The following SNX9 variants were observed in gnomAD, a reference collection of about 807,000 sequenced individuals.
SNX9 encodes the protein sorting nexin-9.
A neutral mutation model predicts 89.4 loss-of-function variants in SNX9; 44 were observed. The observed-to-expected ratio is 0.49, with a 90% CI of 0.39 to 0.63. The LOEUF is 0.63. Among genes scored for constraint, SNX9 ranks in the 30% least tolerant of loss-of-function variants. SNX9 has a pLI of 0.00. For missense variants in SNX9, 578 were observed against 736.1 expected, an observed-to-expected ratio of 0.79 and a Z score of 2.49; for synonymous variants, 236 against 247.8, an observed-to-expected ratio of 0.95 and a Z score of 0.45.
At chr6:157,940,601 A>G (rs1784017787) in intron 16 of SNX9, among the ~76,000 whole-genome samples, 1 of 152,176 alleles carries the variant, frequency 6.6e-6, no homozygotes, top group Non-Finnish European at 1.5e-5. Context: ...TATTCTTAGT[A>G]GAGATGGGGT....
rs188607706 is a variant in SNX9 at position 157,929,862 on chromosome 6, T to C, written c.1288+1160T>C. Reference sequence around the variant, plus strand: ...AGACAATGTCAGTATTACTATTCAATCCAGATCTGAAAATCCAAAGCCTTA... The same window carrying C: ...AGACAATGTCAGTATTACTATTCAACCCAGATCTGAAAATCCAAAGCCTTA... On this transcript the variant is annotated intron_variant, in intron 12 of 17. Transcript: ENST00000392185. Among the ~76,000 whole-genome samples the C allele has an allele frequency of 1.3e-3, 199 of 152,342 alleles. 1 individual carries two copies. The highest frequency in any genetic ancestry group is 4.2e-3 in the African/African-American group (174 of 41,584).
intron 10 of SNX9, among the ~76,000 whole-genome samples, chr6:157,922,956 C>T (rs1002342319): frequency 6.6e-6 from 1 of 152,182 alleles, no homozygotes; most frequent in African/African-American, 2.4e-5. Flanking sequence ...TCCCACAAGA[C>T]TTTAACAAGA....
intron 11 of SNX9, 137 bp downstream of exon 11, chr6:157,927,351 A>G (rs1783715712): frequency 1.6e-5 from 10 of 616,496 alleles, no homozygotes; most frequent in South Asian, 1.2e-4. Context: ...TTGTAGTCCA[A>G]TGACAAGGGA....
chr6:157,883,085 C>T lies in SNX9; in HGVS notation c.300+7909C>T, dbSNP rs550594345. On this transcript the variant is annotated intron_variant, in intron 4 of 17. Coordinates refer to ENST00000392185, the MANE Select transcript of SNX9 (RefSeq NM_016224.5). ...AGCCACCCCAACCTTCAGCAACCAC[C>T]ACCCTGATCAGTCAGCAGTCATGAA... Among the ~76,000 whole-genome samples, 198 of 152,234 alleles carry T rather than the reference C, an allele frequency of 1.3e-3. 1 individual carries two copies. The highest frequency in any genetic ancestry group is 0.01 in the Middle Eastern group (3 of 294).
In SNX9 at chr6:157,928,651, G is replaced by T; in HGVS notation, c.1237G>T (p.Val413Leu). The T allele has an allele frequency of 6.2e-7, 1 of 1,610,774 alleles. No individual in the cohort carries two copies. The highest frequency in any genetic ancestry group is 1.7e-4 in the Middle Eastern group (1 of 6,060). Residue 413 changes from valine (V) to leucine (L), a missense_variant, in exon 12 of 18, where the codon GTG becomes TTG. Around this residue, in one of 2 missense-constraint regions of SNX9, gnomAD observed 348 missense variants for 491.4 expected, o/e 0.71. Coordinates refer to ENST00000392185, the MANE Select transcript of SNX9 (RefSeq NM_016224.5). ...GKFTKAMDDGVKELLTVGQEH... is the reference protein window; with the variant it reads ...GKFTKAMDDGLKELLTVGQEH... ...GTTCACCAAGGCCATGGATGACGGC[G>T]TGAAGGAGCTGCTGACGGTGGGGCA...
intron 1 of SNX9, among the ~76,000 whole-genome samples, chr6:157,849,726 CT>C (rs1435372432): frequency 7.9e-5 from 12 of 152,144 alleles, no homozygotes; most frequent in East Asian, 3.9e-4. Flanking sequence ...CTTTCAGTTT[CT>C]TTTTGGGTGA....
intron 1 of SNX9, among the ~76,000 whole-genome samples, chr6:157,835,968 G>T (rs1165832970): frequency 2.0e-5 from 3 of 152,152 alleles, no homozygotes; most frequent in African/African-American, 7.2e-5. Context: ...TCACTCTGTT[G>T]CTCAGGGTGG....
intron 6 of SNX9, among the ~76,000 whole-genome samples, chr6:157,902,548 G>A (rs1383452777): frequency 6.6e-6 from 1 of 152,168 alleles, no homozygotes; most frequent in African/African-American, 2.4e-5. Flanking sequence ...GTTCCAGTCA[G>A]GAAGCCAGGC....
chr6:157,922,502 C>T (rs1023068597), intron 10 of SNX9, among the ~76,000 whole-genome samples: 3 of 152,168 alleles, frequency 2.0e-5, no homozygotes, highest in Non-Finnish European at 2.9e-5. Context: ...CTTGGAACTT[C>T]GAGAGGTTTA....
chr6:157,848,385 T>C (rs1371503884), intron 1 of SNX9, among the ~76,000 whole-genome samples: 1 of 151,978 alleles, frequency 6.6e-6, no homozygotes, highest in Non-Finnish European at 1.5e-5. Flanking sequence ...CCCCAAACCG[T>C]GGTAGAGATT....
intron 4 of SNX9, among the ~76,000 whole-genome samples, chr6:157,885,975 C>A (rs1447347176): frequency 6.6e-6 from 1 of 152,212 alleles, no homozygotes; most frequent in Non-Finnish European, 1.5e-5. Flanking sequence ...AAATATGTTA[C>A]CATTTTCATT....
At chr6:157,889,166 C>T (rs117854441) in intron 4 of SNX9, among the ~76,000 whole-genome samples, 7,038 of 152,238 alleles carry the variant, frequency 0.046, 203 homozygotes, top group East Asian at 0.11. Context: ...CGCAGTGGCT[C>T]ACGCCTGTAA....
chr6:157,919,953 CTGTTTGTT>C (rs150798579), intron 9 of SNX9, among the ~76,000 whole-genome samples: 77 of 151,604 alleles, frequency 5.1e-4, no homozygotes, highest in African/African-American at 1.1e-3. Flanking sequence ...TCAGTTATTG[CTGTTTGTT>C]TGTTTGTTTG....
intron 1 of SNX9, among the ~76,000 whole-genome samples, chr6:157,856,921 G>C (rs1053935654): frequency 6.6e-6 from 1 of 151,006 alleles, no homozygotes; most frequent in African/African-American, 2.4e-5. Context: ...AAATCTTTGG[G>C]GATTGAAAAA....
chr6:157,828,195 A>G (rs1022928893), intron 1 of SNX9, among the ~76,000 whole-genome samples: 12 of 140,962 alleles, frequency 8.5e-5, no homozygotes, highest in African/African-American at 1.2e-4. Context: ...AGTATTTTCT[A>G]TGTGTCTTAA....
rs1288775108 is a variant in SNX9 at position 157,944,493 on chromosome 6, TA to T, written c.*1662del. 1 of 152,648 alleles carries T rather than the reference TA, an allele frequency of 6.6e-6. No individual in the cohort carries two copies. The highest frequency in any genetic ancestry group is 2.4e-5 in the African/African-American group (1 of 41,466). The allele number at this position is 152,648 out of a possible 1,614,324, so 9.5% of individuals were successfully genotyped here. On this transcript the variant is annotated 3_prime_UTR_variant, in exon 18 of 18. Transcript: ENST00000392185. ...GAAGCCAACATATAAATAAATTGTT[TA>T]AAAAAACTGTACAGTAAATTCTCAA...
At position 157,942,833 on chromosome 6, in the gene SNX9, A is replaced by G; in HGVS notation, c.1783A>G (p.Met595Val). 1 of 1,613,840 alleles carries G rather than the reference A, an allele frequency of 6.2e-7. No homozygotes were observed. The highest frequency in any genetic ancestry group is 8.5e-7 in the Non-Finnish European group (1 of 1,179,876). ...GCAGGCCCTCAGCCGCTTTCCAGTG[A>G]TGTAGGACAGAACGGGCCTTGAAGA... ...LRQALSRFPV[M>V] is the part of the protein sequence containing the mutation. Residue 595 changes from methionine (M) to valine (V), a missense_variant, in exon 18 of 18, where the codon ATG becomes GTG. Physicochemically the swap from Met to Val is conservative, Grantham distance 21. Transcript: ENST00000392185.
At position 157,823,573 on chromosome 6, in the gene SNX9, G is replaced by T; in HGVS notation, c.12+127G>T. 1.2e-6 allele frequency: 1 copy of T among 808,974 alleles called. No individual in the cohort carries two copies. Among genetic ancestry groups the T allele is most frequent in the Non-Finnish European group, 1.6e-6 (1 of 630,776 alleles). The allele number at this position is 808,974 out of a possible 1,614,324, so 50.1% of individuals were successfully genotyped here. A position where few individuals can be genotyped will look rare whatever the true frequency, so the allele number is the denominator to read the frequency against. Reference sequence around the variant, plus strand: ...CGAGGGGCCACTCCGCTTCCTCGGTGGAGTCCCCGGGCGGGTCCGCGGCCC... The same window carrying T: ...CGAGGGGCCACTCCGCTTCCTCGGTTGAGTCCCCGGGCGGGTCCGCGGCCC... On this transcript the variant is annotated intron_variant, in intron 1 of 17. Transcript: ENST00000392185. The surrounding 1 kb of genome is among the most constrained non-coding windows in gnomAD (Gnocchi z 4.6).
chr6:157,925,228 A>G (rs1441601295), intron 10 of SNX9, among the ~76,000 whole-genome samples: 6 of 152,252 alleles, frequency 3.9e-5, no homozygotes, highest in Non-Finnish European at 8.8e-5. Flanking sequence ...AGGTATCTGA[A>G]TCAACAACAG....
Sources: allele counts gnomAD v4.1 joint callset (sites outside exome capture counted in the v4.1 genomes callset), GRCh38; gene constraint gnomAD v4.1.1; regional missense constraint gnomAD v4.1.1; non-coding constraint Gnocchi (gnomAD v3.1); transcripts MANE v1.5; gene names NCBI Gene and HGNC (gene_info 2026-07-23, HGNC 2026-07-21).